Variants in SIPA1L3 observed in about 807,000 individuals in gnomAD.
The protein encoded by SIPA1L3 is signal induced proliferation associated 1 like 3.
A neutral mutation model predicts 150.1 loss-of-function variants in SIPA1L3; 59 were observed. The ratio of observed to expected loss-of-function variants is 0.39; its 90% confidence interval spans 0.32 to 0.49. SIPA1L3 has a LOEUF of 0.49. Among genes scored for constraint, SIPA1L3 ranks in the 20% least tolerant of loss-of-function variants. The pLI is 0.86. For missense variants in SIPA1L3, 2,211 were observed against 2,489.5 expected (o/e 0.89, Z 2.38); for synonymous variants, 1,070 against 1,077.6 (o/e 0.99, Z 0.14).
chr19:37,989,784 G>C (rs1405999467), intron 1 of SIPA1L3, among the ~76,000 whole-genome samples: 1 of 151,078 alleles, frequency 6.6e-6, no homozygotes, highest in Non-Finnish European at 1.5e-5. Context: ...TCCTGCCTCA[G>C]CCTCCCCAGT....
At position 38,077,673 on chromosome 19, in the gene SIPA1L3, T is replaced by C. The variant is rs1252311141; in HGVS notation, c.-310-3583T>C. ...TCTTTTTCTTTTTCTTTTTTTTTTT[T>C]TTTTTTTTTTTTTTTGAGATGGAGT... On this transcript the variant is annotated intron_variant, in intron 2 of 21. Coordinates refer to ENST00000222345, the MANE Select transcript of SIPA1L3 (RefSeq NM_015073.3). Among the ~76,000 whole-genome samples the C allele has an allele frequency of 2.5e-3, 288 of 114,828 alleles. 6 individuals carry two copies. Among genetic ancestry groups the C allele is most frequent in the East Asian group, 0.011 (43 of 3,764 alleles). 75.3% of individuals were successfully genotyped at this position (114,828 alleles called of 152,430 possible).
chr19:37,940,934 A>C (rs2046648934), intron 1 of SIPA1L3, among the ~76,000 whole-genome samples: 1 of 151,918 alleles, frequency 6.6e-6, no homozygotes, highest in Non-Finnish European at 1.5e-5. Context: ...AGGCCATGTC[A>C]TTTGTCCTGT....
intron 1 of SIPA1L3, among the ~76,000 whole-genome samples, chr19:37,945,664 C>G (rs1326179084): frequency 6.6e-6 from 1 of 152,120 alleles, no homozygotes; most frequent in Non-Finnish European, 1.5e-5. Context: ...GTCTGTGGGT[C>G]AAGGTCTGTG....
intron 2 of SIPA1L3, among the ~76,000 whole-genome samples, chr19:38,061,303 A>T (rs1190489869): frequency 6.6e-6 from 1 of 151,530 alleles, no homozygotes; most frequent in Non-Finnish European, 1.5e-5. Context: ...GCCTCAAGTC[A>T]TCCGCCTGCC....
intron 9 of SIPA1L3, among the ~76,000 whole-genome samples, chr19:38,127,927 C>A (rs1971213600): frequency 6.6e-6 from 1 of 151,820 alleles, no homozygotes; most frequent in Admixed American, 6.6e-5. Flanking sequence ...TTTCTGGAGG[C>A]CAGGAAGTCC....
intron 13 of SIPA1L3, among the ~76,000 whole-genome samples, chr19:38,155,246 A>C (rs895697121): frequency 4.6e-5 from 7 of 151,784 alleles, no homozygotes; most frequent in African/African-American, 1.5e-4. Flanking sequence ...TATTTTTTAA[A>C]AACATTTTTT....
intron 1 of SIPA1L3, among the ~76,000 whole-genome samples, chr19:37,913,675 C>T (rs1032585758): frequency 7.3e-5 from 11 of 150,596 alleles, no homozygotes; most frequent in African/African-American, 1.7e-4. Flanking sequence ...GGATTACAGG[C>T]GTGAGCCACT....
At chr19:37,942,241 A>C (rs2046666051) in intron 1 of SIPA1L3, among the ~76,000 whole-genome samples, 4 of 152,086 alleles carry the variant, frequency 2.6e-5, no homozygotes, top group Admixed American at 2.6e-4. Flanking sequence ...TAAACAGATT[A>C]ATAAGATAAT....
intron 14 of SIPA1L3, among the ~76,000 whole-genome samples, chr19:38,162,825 C>T (rs943828317): frequency 6.6e-6 from 1 of 152,194 alleles, no homozygotes; most frequent in Non-Finnish European, 1.5e-5. Context: ...CTGCGTCTTT[C>T]CAGCAGTGGA....
chr19:38,198,970 G>A (rs1973028235), intron 19 of SIPA1L3, among the ~76,000 whole-genome samples: 1 of 151,754 alleles, frequency 6.6e-6, no homozygotes, highest in African/African-American at 2.4e-5. Flanking sequence ...CGTGTCTGGG[G>A]GAAAAAAAAA....
At chr19:37,973,645 G>A (rs993836490) in intron 1 of SIPA1L3, among the ~76,000 whole-genome samples, 10 of 150,768 alleles carry the variant, frequency 6.6e-5, no homozygotes, top group African/African-American at 2.5e-4. Context: ...CTGCCTGAGG[G>A]AGTAGCGTAT....
At chr19:38,095,255 A>G (rs1238013515) in intron 4 of SIPA1L3, among the ~76,000 whole-genome samples, 8 of 152,162 alleles carry the variant, frequency 5.3e-5, no homozygotes, top group Non-Finnish European at 1.0e-4. Flanking sequence ...GAATCCTTTC[A>G]TTGCCTTGAG....
chr19:38,051,477 G>C (rs1343813804), intron 2 of SIPA1L3, among the ~76,000 whole-genome samples: 1 of 152,174 alleles, frequency 6.6e-6, no homozygotes, highest in Non-Finnish European at 1.5e-5. Flanking sequence ...GGATATGCAT[G>C]GTTTTGATGT....
rs192178562 is a variant in SIPA1L3 at position 38,187,057 on chromosome 19, G to C, written c.4430+4317G>C. Among the ~76,000 whole-genome samples, 585 of 150,226 alleles carry C rather than the reference G, an allele frequency of 3.9e-3. 2 individuals are homozygous for C. The highest frequency in any genetic ancestry group is 6.4e-3 in the Non-Finnish European group (436 of 67,670). On this transcript the variant is annotated intron_variant, in intron 16 of 21. Transcript: ENST00000222345. ...CAACCAGATGCAGTGTCTCACATCT[G>C]TAATCCCAGCACTCTGGAAGGCCGA...
chr19:38,203,902 G>A (rs1298735388), intron 20 of SIPA1L3: 2 of 546,558 alleles, frequency 3.7e-6, no homozygotes, highest in African/African-American at 1.9e-5. Context: ...CCTTCCCCTG[G>A]CCTGGTGCTC....
chr19:37,927,659 GT>G (rs2030716796), intron 1 of SIPA1L3, among the ~76,000 whole-genome samples: 2 of 59,486 alleles, frequency 3.4e-5, no homozygotes, highest in East Asian at 2.5e-4. Flanking sequence ...CATGGGGTGT[GT>G]GTGTGTGTGT....
At chr19:37,984,819 CTG>C (rs1967303348) in intron 1 of SIPA1L3, among the ~76,000 whole-genome samples, 1 of 152,206 alleles carries the variant, frequency 6.6e-6, no homozygotes, top group Admixed American at 6.5e-5. Flanking sequence ...GCAGGCAACT[CTG>C]TAGCAAACTA....
chr19:37,994,085 G>C (rs1967576655), intron 1 of SIPA1L3, among the ~76,000 whole-genome samples: 1 of 151,986 alleles, frequency 6.6e-6, no homozygotes, highest in Non-Finnish European at 1.5e-5. Context: ...ATTTTTTATA[G>C]AGATGTGGGT....
rs956935780 is a variant in SIPA1L3, at chr19:38,047,224, C to T, written c.-311+18068C>T. Among the ~76,000 whole-genome samples the T allele has an allele frequency of 2.0e-5, 3 of 152,074 alleles. No homozygotes were observed. Among genetic ancestry groups the T allele is most frequent in the African/African-American group, 4.8e-5 (2 of 41,398 alleles). On this transcript the variant is annotated intron_variant, in intron 2 of 21. Coordinates refer to ENST00000222345, the MANE Select transcript of SIPA1L3 (RefSeq NM_015073.3). The surrounding 1 kb of genome is among the most constrained non-coding windows in gnomAD (Gnocchi z 4.7). ...TTCCTGCCAGCCTGTTCTCCCCCGC[C>T]GACACACACGCACGCACACACGCAC...
Sources: gnomAD v4.1 joint callset for allele counts (sites outside exome capture counted in the v4.1 genomes callset) on GRCh38, gnomAD v4.1.1 for gene constraint, Gnocchi (gnomAD v3.1) non-coding constraint, MANE v1.5 for transcripts, NCBI Gene and HGNC (gene_info 2026-07-23, HGNC 2026-07-21) for gene names.